The following NSMCE2 variants were observed in gnomAD, a reference collection of about 807,000 sequenced individuals.
NSMCE2 encodes E3 SUMO-protein ligase NSE2.
A neutral mutation model predicts 23.8 loss-of-function variants in NSMCE2; 24 were observed. That is an observed-to-expected ratio of 1.01 (90% CI 0.73 to 1.42). The LOEUF is 1.42. Ranked by LOEUF, NSMCE2 falls within the 40% of genes most tolerant of loss-of-function variation. The pLI, the probability that NSMCE2 is intolerant of heterozygous loss-of-function variation, is 0.00. For missense variants in NSMCE2, 284 were observed against 296.5 expected (o/e 0.96, Z 0.31); for synonymous variants, 92 against 94.1 (o/e 0.98, Z 0.13).
intron 5 of NSMCE2, among the ~76,000 whole-genome samples, chr8:125,267,302 C>A (rs117717436): frequency 6.1e-4 from 93 of 152,212 alleles, no homozygotes; most frequent in African/African-American, 2.1e-3. Flanking sequence ...CCACCGCGCC[C>A]AGCCAAGGGT....
In NSMCE2 at chr8:125,259,889, T is replaced by C. The variant is rs536129859; in HGVS notation, c.418+77633T>C. Reference sequence around the variant, plus strand: ...AATAGAAATCAGATCTTCTGACTTCTAGCTCTTTTCAGCTATGCCACACTG... The same window carrying C: ...AATAGAAATCAGATCTTCTGACTTCCAGCTCTTTTCAGCTATGCCACACTG... On this transcript the variant is annotated intron_variant, in intron 5 of 7. Transcript: ENST00000287437. 5.3e-5 allele frequency among the ~76,000 whole-genome samples: 8 copies of C among 152,330 alleles called. No individual in the cohort carries two copies. In the South Asian group the frequency reaches 1.7e-3, roughly 32 times the overall value.
intron 5 of NSMCE2, among the ~76,000 whole-genome samples, chr8:125,322,868 T>G (rs1177968218): frequency 6.6e-6 from 1 of 152,250 alleles, no homozygotes; most frequent in East Asian, 1.9e-4. Flanking sequence ...TATGAAATAC[T>G]GCCAACATGG....
intron 5 of NSMCE2, among the ~76,000 whole-genome samples, chr8:125,316,048 C>T (rs925641641): frequency 3.9e-5 from 6 of 152,116 alleles, no homozygotes; most frequent in Non-Finnish European, 8.8e-5. Context: ...CTCAGGTGAT[C>T]CTCCCATCTC....
intron 3 of NSMCE2, among the ~76,000 whole-genome samples, chr8:125,150,910 T>C (rs1027869584): frequency 1.3e-5 from 2 of 152,184 alleles, no homozygotes; most frequent in Non-Finnish European, 2.9e-5. Flanking sequence ...ATACAAGTCT[T>C]TTCTTCTTTC....
At chr8:125,178,512 T>C (rs1822604111) in intron 4 of NSMCE2, among the ~76,000 whole-genome samples, 1 of 152,252 alleles carries the variant, frequency 6.6e-6, no homozygotes, top group African/African-American at 2.4e-5. Flanking sequence ...AATTCATATG[T>C]TGAAGTCCTA....
At chr8:125,211,734 G>T (rs1824355612) in intron 5 of NSMCE2, among the ~76,000 whole-genome samples, 4 of 152,280 alleles carry the variant, frequency 2.6e-5, no homozygotes, top group Admixed American at 2.6e-4. Context: ...TCACACACTT[G>T]CCAACTCAGT....
intron 4 of NSMCE2, among the ~76,000 whole-genome samples, chr8:125,181,628 T>A (rs140087690): frequency 6.6e-6 from 1 of 151,882 alleles, no homozygotes; most frequent in Non-Finnish European, 1.5e-5. Context: ...CAGGACATTA[T>A]GGAAGGTCAA....
chr8:125,200,987 C>T (rs973546719), intron 5 of NSMCE2, among the ~76,000 whole-genome samples: 2 of 152,170 alleles, frequency 1.3e-5, no homozygotes, highest in Admixed American at 6.5e-5. Context: ...GCATGCATCA[C>T]GAAGTTCTTG....
rs767248457 is a variant in NSMCE2, at chr8:125,252,543, CCTG to C, written c.418+70288_418+70290del. ...TCTGTCTCAAAAAAAAGAGAAAAAC[CCTG>C]TTTCATCAGTATTAAGATTTATATT... On this transcript the variant is annotated intron_variant, in intron 5 of 7. Coordinates refer to ENST00000287437, the MANE Select transcript of NSMCE2 (RefSeq NM_173685.4). Among the ~76,000 whole-genome samples, 17 of 152,162 alleles carry C rather than the reference CCTG, an allele frequency of 1.1e-4. No homozygotes were observed. The East Asian group carries it at 2.5e-3, about 23-fold the overall frequency.
At chr8:125,140,805 C>G (rs1820333879) in intron 3 of NSMCE2, among the ~76,000 whole-genome samples, 1 of 152,160 alleles carries the variant, frequency 6.6e-6, no homozygotes, top group African/African-American at 2.4e-5. Flanking sequence ...TGAGCACAGC[C>G]AAAGACTTGA....
chr8:125,121,512 C>G (rs368864859), intron 3 of NSMCE2, among the ~76,000 whole-genome samples: 1 of 152,092 alleles, frequency 6.6e-6, no homozygotes, highest in Non-Finnish European at 1.5e-5. Flanking sequence ...AAATAGGTAT[C>G]CATGCAAAGA....
At chr8:125,283,515 C>CA (rs1395732431) in intron 5 of NSMCE2, among the ~76,000 whole-genome samples, 3 of 151,962 alleles carry the variant, frequency 2.0e-5, no homozygotes, top group Non-Finnish European at 4.4e-5. Flanking sequence ...GACCTTGTGT[C>CA]AAAAAAATTA....
intron 5 of NSMCE2, among the ~76,000 whole-genome samples, chr8:125,289,282 C>G (rs184880592): frequency 1.3e-5 from 2 of 152,184 alleles, no homozygotes; most frequent in Non-Finnish European, 2.9e-5. Context: ...ATCACTCATG[C>G]AGCTGTTGCA....
intron 5 of NSMCE2, among the ~76,000 whole-genome samples, chr8:125,353,891 A>G (rs1327486252): frequency 8.8e-6 from 1 of 114,006 alleles, no homozygotes; most frequent in Non-Finnish European, 2.1e-5. Context: ...CTCAAAAACT[A>G]AAAAATAAAA....
chr8:125,185,586 G>T (rs552830142), intron 5 of NSMCE2, among the ~76,000 whole-genome samples: 2 of 152,184 alleles, frequency 1.3e-5, no homozygotes, highest in African/African-American at 4.8e-5. Context: ...GATTACAGGC[G>T]TGAGCCACTG....
chr8:125,289,350 A>G (rs1227714629), intron 5 of NSMCE2, among the ~76,000 whole-genome samples: 5 of 152,156 alleles, frequency 3.3e-5, no homozygotes, highest in African/African-American at 9.7e-5. Flanking sequence ...GCGTTTGAAC[A>G]TGTATTGCTA....
At chr8:125,128,749 C>G (rs1819624163) in intron 3 of NSMCE2, among the ~76,000 whole-genome samples, 2 of 152,202 alleles carry the variant, frequency 1.3e-5, no homozygotes, top group Admixed American at 1.3e-4. Context: ...CATCTTCAAA[C>G]CTGGCAATGG....
At chr8:125,138,653 T>A (rs1820196079) in intron 3 of NSMCE2, among the ~76,000 whole-genome samples, 1 of 152,174 alleles carries the variant, frequency 6.6e-6, no homozygotes, top group Non-Finnish European at 1.5e-5. Flanking sequence ...ATTCTGAAGT[T>A]CATCTTTAAA....
intron 3 of NSMCE2, among the ~76,000 whole-genome samples, chr8:125,102,929 T>C (rs1246263515): frequency 2.0e-5 from 3 of 152,204 alleles, no homozygotes; most frequent in African/African-American, 4.8e-5. Context: ...AGTTCAACTT[T>C]AATGAATTTT....
Sources: allele counts gnomAD v4.1 joint callset (sites outside exome capture counted in the v4.1 genomes callset), GRCh38; gene constraint gnomAD v4.1.1; transcripts MANE v1.5; gene names NCBI Gene and HGNC (gene_info 2026-07-23, HGNC 2026-07-21).